KCNIP4: variants seen among roughly 807,000 people sequenced by gnomAD.
The protein encoded by KCNIP4 is Kv channel-interacting protein 4.
A neutral mutation model predicts 34.0 loss-of-function variants in KCNIP4; 12 were observed. The observed-to-expected ratio is 0.35, with a 90% confidence interval of 0.23 to 0.57. The LOEUF is 0.57. Among genes scored for constraint, KCNIP4 ranks in the 20% least tolerant of loss-of-function variants. KCNIP4 has a pLI of 0.83. For synonymous variants in KCNIP4, 124 were observed against 102.2 expected (o/e 1.21, Z -1.29); for missense variants, 238 against 311.7 (o/e 0.76, Z 1.78).
intron 1 of KCNIP4, among the ~76,000 whole-genome samples, chr4:21,086,940 T>A (rs1746491090): frequency 6.7e-6 from 1 of 149,690 alleles, no homozygotes; most frequent in Non-Finnish European, 1.5e-5. Context: ...TCTTTCTTTC[T>A]TTCTCCCTCC....
At chr4:21,506,434 A>G (rs1471482518) in intron 1 of KCNIP4, among the ~76,000 whole-genome samples, 1 of 152,208 alleles carries the variant, frequency 6.6e-6, no homozygotes, top group Non-Finnish European at 1.5e-5. Flanking sequence ...GAGTTCTTAA[A>G]ACAATACATG....
At chr4:21,301,273 TAAC>T (rs1328027204) in intron 1 of KCNIP4, among the ~76,000 whole-genome samples, 3 of 152,122 alleles carry the variant, frequency 2.0e-5, no homozygotes, top group Non-Finnish European at 4.4e-5. Context: ...AAAAGCAAAA[TAAC>T]AACTACATTA....
intron 1 of KCNIP4, among the ~76,000 whole-genome samples, chr4:21,657,277 T>C (rs1011407950): frequency 8.5e-5 from 13 of 152,222 alleles, no homozygotes; most frequent in African/African-American, 3.1e-4. Flanking sequence ...AGACTGTCAG[T>C]GAGCATTAGT....
chr4:21,297,215 A>G (rs976512342), intron 1 of KCNIP4, among the ~76,000 whole-genome samples: 5 of 151,990 alleles, frequency 3.3e-5, no homozygotes, highest in African/African-American at 1.2e-4. Context: ...AGTGACATAT[A>G]TATTTGTTAT....
chr4:21,048,092 AT>A, intron 1 of KCNIP4, among the ~76,000 whole-genome samples: 1 of 152,314 alleles, frequency 6.6e-6, no homozygotes. Context: ...ATTATTTTGT[AT>A]CTTTACCCTG....
At chr4:21,769,178 A>T (rs188981420) in intron 1 of KCNIP4, among the ~76,000 whole-genome samples, 8,433 of 117,800 alleles carry the variant, frequency 0.072, 284 homozygotes, top group African/African-American at 0.1. Flanking sequence ...TAAGTATTTT[A>T]AAAAAAACTA....
intron 1 of KCNIP4, among the ~76,000 whole-genome samples, chr4:21,273,559 C>A (rs949843030): frequency 6.6e-6 from 1 of 152,172 alleles, no homozygotes. Context: ...CATCATTATA[C>A]TCTTTCCATG....
At chr4:21,915,325 A>C (rs1728568150) in intron 1 of KCNIP4, among the ~76,000 whole-genome samples, 1 of 152,242 alleles carries the variant, frequency 6.6e-6, no homozygotes, top group Admixed American at 6.5e-5. Flanking sequence ...CAATTGAAGC[A>C]TATAAAGAAG....
At chr4:21,668,823 T>C (rs1401345958) in intron 1 of KCNIP4, among the ~76,000 whole-genome samples, 1 of 137,552 alleles carries the variant, frequency 7.3e-6, no homozygotes, top group Admixed American at 8.4e-5. Flanking sequence ...GTGAGAAGTA[T>C]ATACTCTCTA....
chr4:20,729,505 T>TAAAAATGCCAGATAAAACTA lies in KCNIP4; in HGVS notation c.*557_*576dup, dbSNP rs1553881638. 1.3e-5 allele frequency: 2 copies of TAAAAATGCCAGATAAAACTA among 148,758 alleles called. No homozygotes were observed. Among genetic ancestry groups the TAAAAATGCCAGATAAAACTA allele is most frequent in the Admixed American group, 6.7e-5 (1 of 14,994 alleles). The allele number at this position is 148,758 out of a possible 1,614,324, so 9.2% of individuals were successfully genotyped here. On this transcript the variant is annotated 3_prime_UTR_variant, in exon 9 of 9. Transcript: ENST00000382152. ...AAATGTTTAATAATTTTTAAATGTT[T>TAAAAATGCCAGATAAAACTA]AAAAATGCCAGATAAAACTAATTTC...
chr4:20,771,321 T>C (rs1441307889), intron 3 of KCNIP4, among the ~76,000 whole-genome samples: 1 of 152,248 alleles, frequency 6.6e-6, no homozygotes, highest in African/African-American at 2.4e-5. Context: ...GGCCCCTTGA[T>C]AACTTCATTT....
intron 1 of KCNIP4, among the ~76,000 whole-genome samples, chr4:21,408,826 T>C (rs1456452228): frequency 6.6e-6 from 1 of 152,200 alleles, no homozygotes; most frequent in African/African-American, 2.4e-5. Flanking sequence ...GATATAGTGT[T>C]GACACAAGCT....
chr4:21,111,353 C>T (rs1749149855), intron 1 of KCNIP4, among the ~76,000 whole-genome samples: 1 of 152,174 alleles, frequency 6.6e-6, no homozygotes, highest in Non-Finnish European at 1.5e-5. Flanking sequence ...TACCCTTATC[C>T]TCAGACATGG....
intron 1 of KCNIP4, among the ~76,000 whole-genome samples, chr4:21,211,903 T>C (rs915062265): frequency 1.3e-5 from 2 of 151,348 alleles, no homozygotes; most frequent in Non-Finnish European, 2.9e-5. Context: ...CCATATTGCA[T>C]TGGAGATCTT....
At chr4:21,107,782 T>G (rs1413060161) in intron 1 of KCNIP4, among the ~76,000 whole-genome samples, 4 of 151,568 alleles carry the variant, frequency 2.6e-5, no homozygotes, top group East Asian at 3.9e-4. Flanking sequence ...GGAGCTCTTT[T>G]AGGGCAGGCC....
chr4:21,658,854 G>A (rs760135992), intron 1 of KCNIP4, among the ~76,000 whole-genome samples: 13 of 152,108 alleles, frequency 8.5e-5, no homozygotes, highest in Non-Finnish European at 1.6e-4. Flanking sequence ...GAAGTGACAA[G>A]GTCGGTCTAA....
intron 5 of KCNIP4, among the ~76,000 whole-genome samples, chr4:20,739,859 G>A (rs1032950288): frequency 1.3e-5 from 2 of 152,206 alleles, no homozygotes; most frequent in Admixed American, 1.3e-4. Context: ...AAGATTAGAC[G>A]AATGGCTGAC....
intron 1 of KCNIP4, among the ~76,000 whole-genome samples, chr4:21,459,097 C>T (rs745725338): frequency 6.6e-6 from 1 of 152,012 alleles, no homozygotes; most frequent in African/African-American, 2.4e-5. Context: ...TCACTTTTCT[C>T]ATTTTCCCTC....
intron 1 of KCNIP4, among the ~76,000 whole-genome samples, chr4:20,987,527 A>G (rs1366463821): frequency 2.0e-5 from 3 of 152,224 alleles, no homozygotes; most frequent in Non-Finnish European, 1.5e-5. Context: ...TCAATAGGTT[A>G]GGTGTTATTA....
Sources: allele counts gnomAD v4.1 joint callset (sites outside exome capture counted in the v4.1 genomes callset), GRCh38; gene constraint gnomAD v4.1.1; transcripts MANE v1.5; gene names NCBI Gene and HGNC (gene_info 2026-07-23, HGNC 2026-07-21).